Variants in NEIL3 observed in about 807,000 individuals in gnomAD.
The protein encoded by NEIL3 is nei like DNA glycosylase 3.
A neutral mutation model predicts 57.5 loss-of-function variants in NEIL3; 48 were observed. The ratio of observed to expected loss-of-function variants is 0.83; its 90% CI spans 0.66 to 1.06. The LOEUF (loss-of-function observed/expected upper bound fraction) is 1.06. Among genes scored for constraint, NEIL3 ranks in the 50% least tolerant of loss-of-function variants. NEIL3 has a pLI of 0.00. For synonymous variants in NEIL3, 261 were observed against 253.2 expected, an observed-to-expected ratio of 1.03 and a Z score of -0.29; for missense variants, 717 against 739.1, an observed-to-expected ratio of 0.97 and a Z score of 0.35.
At chr4:177,318,276 A>G (rs372723670) in intron 1 of NEIL3, among the ~76,000 whole-genome samples, 1 of 152,194 alleles carries the variant, frequency 6.6e-6, no homozygotes, top group Non-Finnish European at 1.5e-5. Context: ...TGAGGTTTCC[A>G]TTAAGAACCC....
chr4:177,360,492 T>A lies in NEIL3; in HGVS notation c.1461-11T>A. The A allele has an allele frequency of 6.2e-7, 1 of 1,610,204 alleles. No homozygotes were observed. Among genetic ancestry groups the A allele is most frequent in the Non-Finnish European group, 8.5e-7 (1 of 1,177,438 alleles). On this transcript the variant is annotated splice_polypyrimidine_tract_variant and intron_variant, in intron 8 of 9. Transcript: ENST00000264596. ...CCTATGCTGTACTTATTTTGTAACC[T>A]GTCATTACAGTGAACTTCAAATTAA...
chr4:177,337,142 G>T (rs1734994956), intron 4 of NEIL3, among the ~76,000 whole-genome samples: 1 of 152,080 alleles, frequency 6.6e-6, no homozygotes, highest in East Asian at 1.9e-4. Flanking sequence ...GTAGAAAAGG[G>T]AATGGTGATG....
chr4:177,358,614 A>C (rs940159261), intron 8 of NEIL3, among the ~76,000 whole-genome samples: 1 of 152,106 alleles, frequency 6.6e-6, no homozygotes, highest in African/African-American at 2.4e-5. Context: ...GCCTGTGGCT[A>C]TGTTTTTAAT....
chr4:177,332,902 C>T (rs1734908710), intron 2 of NEIL3, among the ~76,000 whole-genome samples: 1 of 152,116 alleles, frequency 6.6e-6, no homozygotes, highest in Non-Finnish European at 1.5e-5. Flanking sequence ...GTTGCAATCT[C>T]ATGTCTCTGA....
intron 6 of NEIL3, among the ~76,000 whole-genome samples, chr4:177,344,315 T>A (rs1735166118): frequency 6.6e-6 from 1 of 152,216 alleles, no homozygotes; most frequent in African/African-American, 2.4e-5. Flanking sequence ...AATAAGTACA[T>A]CCCATTTATT....
At chr4:177,332,216 G>C (rs1428563131) in intron 2 of NEIL3, among the ~76,000 whole-genome samples, 1 of 152,196 alleles carries the variant, frequency 6.6e-6, no homozygotes, top group Non-Finnish European at 1.5e-5. Flanking sequence ...ACTTGGGTCA[G>C]AGAGCTTCCT....
At chr4:177,320,670 A>G (rs964988232) in intron 1 of NEIL3, among the ~76,000 whole-genome samples, 5 of 149,688 alleles carry the variant, frequency 3.3e-5, no homozygotes, top group Admixed American at 1.3e-4. Context: ...TAGTAGAGAC[A>G]GGGTTTCACG....
chr4:177,328,677 T>C (rs1291543691), intron 2 of NEIL3, among the ~76,000 whole-genome samples: 1 of 152,130 alleles, frequency 6.6e-6, no homozygotes, highest in Admixed American at 6.5e-5. Context: ...GCAAGAAAAG[T>C]TAAAGTCTGT....
chr4:177,322,723 C>A, intron 2 of NEIL3, 143 bp downstream of exon 2: 2 of 896,218 alleles, frequency 2.2e-6, no homozygotes, highest in Non-Finnish European at 3.4e-6. Flanking sequence ...GGTTGTGATT[C>A]TATCATGGAA....
At chr4:177,334,257 A>G (rs554197300) in intron 2 of NEIL3, among the ~76,000 whole-genome samples, 1 of 152,242 alleles carries the variant, frequency 6.6e-6, no homozygotes, top group South Asian at 2.1e-4. Flanking sequence ...GTACTTAGTA[A>G]TAAACCCACG....
At chr4:177,370,648 C>T in the NEIL3 span, among the ~76,000 whole-genome samples, 657 of 152,280 alleles carry the variant, frequency 4.3e-3, 5 homozygotes, top group African/African-American at 0.015. Context: ...TGCCTGTAAT[C>T]CCAGCATGCT....
rs537062671 is a variant in NEIL3 at position 177,317,695 on chromosome 4, G to A, written c.157-4764G>A. ...CAGCTCACTGCAGCCTCCACCTCCTGGGTTCAAGCGATTCTCCTGCCTCAG... is the reference window on the plus strand; with the variant it reads ...CAGCTCACTGCAGCCTCCACCTCCTAGGTTCAAGCGATTCTCCTGCCTCAG... On this transcript the variant is annotated intron_variant, in intron 1 of 9. Transcript: ENST00000264596. Among the ~76,000 whole-genome samples the A allele has an allele frequency of 9.4e-5, 13 of 138,162 alleles. No homozygotes were observed. The East Asian group carries it at 2.5e-3, about 26-fold the overall frequency. The allele number at this position is 138,162 out of a possible 152,430, so 90.6% of individuals were successfully genotyped here.
At chr4:177,317,805 C>T (rs1158597327) in intron 1 of NEIL3, among the ~76,000 whole-genome samples, 2 of 151,750 alleles carry the variant, frequency 1.3e-5, no homozygotes, top group Non-Finnish European at 2.9e-5. Flanking sequence ...TCATGTTGGT[C>T]AGTCTGGTCT....
intron 6 of NEIL3, among the ~76,000 whole-genome samples, chr4:177,345,988 C>T (rs1358811431): frequency 1.3e-4 from 19 of 151,862 alleles, no homozygotes; most frequent in Admixed American, 1.2e-3. Flanking sequence ...ACCACACCAG[C>T]CAAGTTTTTT....
At chr4:177,314,402 C>G (rs1272564812) in intron 1 of NEIL3, among the ~76,000 whole-genome samples, 1 of 152,106 alleles carries the variant, frequency 6.6e-6, no homozygotes, top group African/African-American at 2.4e-5. Context: ...TTGTTACTTC[C>G]TCGTCTGGAG....
At chr4:177,312,648 AC>A (rs1734499028) in intron 1 of NEIL3, among the ~76,000 whole-genome samples, 1 of 152,104 alleles carries the variant, frequency 6.6e-6, no homozygotes, top group African/African-American at 2.4e-5. Context: ...AATAAGTTAT[AC>A]CCCACACATA....
chr4:177,317,450 T>A (rs1360296315), intron 1 of NEIL3, among the ~76,000 whole-genome samples: 1 of 152,156 alleles, frequency 6.6e-6, no homozygotes, highest in Admixed American at 6.5e-5. Flanking sequence ...TCCTTTTCCT[T>A]TCACAACAGA....
chr4:177,367,729 A>G (rs1735709128), downstream of NEIL3, among the ~76,000 whole-genome samples: 1 of 152,168 alleles, frequency 6.6e-6, no homozygotes, highest in Admixed American at 6.5e-5. Flanking sequence ...CCAGCATCAC[A>G]AGAATATAAA....
At position 177,309,937 on chromosome 4, in the gene NEIL3, C is replaced by G; in HGVS notation, c.-17C>G. 3.7e-6 allele frequency: 6 copies of G among 1,602,522 alleles called. No individual in the cohort carries two copies. The South Asian group carries it at 6.7e-5, about 18-fold the overall frequency. On this transcript the variant is annotated 5_prime_UTR_variant, in exon 1 of 10. Coordinates refer to ENST00000264596, the MANE Select transcript of NEIL3 (RefSeq NM_018248.3). ...ACCAGGCCCTGCAATCGGTGGGCCA[C>G]AGTGCCGGCCACAGAGATGGTGGAA...
Sources: allele counts gnomAD v4.1 joint callset (sites outside exome capture counted in the v4.1 genomes callset), GRCh38; gene constraint gnomAD v4.1.1; transcripts MANE v1.5; gene names NCBI Gene and HGNC (gene_info 2026-07-23, HGNC 2026-07-21).